MYH11: variants seen among roughly 807,000 people sequenced by gnomAD.
MYH11 encodes the protein myosin-11.
A neutral mutation model predicts 246.6 loss-of-function variants in MYH11; 80 were observed. That is an observed-to-expected ratio of 0.32 (90% CI 0.27 to 0.39). The LOEUF is 0.39. MYH11 is among the 10% of genes least tolerant of loss of function. The pLI is 1.00. For missense variants in MYH11, 2,158 were observed against 2,546.8 expected, an observed-to-expected ratio of 0.85 and a Z score of 3.29; for synonymous variants, 1,071 against 1,015.5, an observed-to-expected ratio of 1.05 and a Z score of -1.04.
At chr16:15,720,371 AC>A in intron 33 of MYH11, 59 bp from the exon 34 acceptor site, 1 of 1,569,342 alleles carries the variant, frequency 6.4e-7, no homozygotes, top group South Asian at 1.2e-5. Flanking sequence ...CCTTTGGCTC[AC>A]CTAGGCAGCA....
intron 18 of MYH11, 71 bp downstream of exon 18, chr16:15,747,803 C>T (rs573006799): frequency 9.9e-6 from 16 of 1,612,170 alleles, no homozygotes; most frequent in African/African-American, 8.0e-5. Flanking sequence ...TGGGTAAGAA[C>T]GGTCCCACCA....
chr16:15,781,221 C>A (rs979522788), intron 6 of MYH11, among the ~76,000 whole-genome samples: 3 of 152,196 alleles, frequency 2.0e-5, no homozygotes, highest in African/African-American at 7.2e-5. Context: ...TGCACACTTT[C>A]ATTATGAATT....
At chr16:15,856,793 C>G (rs1431592223) in intron 1 of MYH11, 148 bp downstream of exon 1, 2 of 151,974 alleles carry the variant, frequency 1.3e-5, no homozygotes, top group Admixed American at 6.6e-5. Context: ...AGAGAGAGAT[C>G]CAAATCACAA....
chr16:15,719,491 C>G, intron 35 of MYH11, 94 bp downstream of exon 35: 3 of 1,589,272 alleles, frequency 1.9e-6, no homozygotes, highest in Non-Finnish European at 2.6e-6. Flanking sequence ...CAGAGGAGGA[C>G]GAAATGAAAT....
intron 3 of MYH11, among the ~76,000 whole-genome samples, chr16:15,816,617 C>T (rs8057655): frequency 0.23 from 35,229 of 151,828 alleles, 4,880 homozygotes; most frequent in African/African-American, 0.39. Flanking sequence ...TATACTGGGA[C>T]TCTGATATGA....
chr16:15,738,800 A>G, intron 23 of MYH11, 112 bp from the exon 24 acceptor site: 1 of 1,225,132 alleles, frequency 8.2e-7, no homozygotes, highest in South Asian at 1.3e-5. Context: ...CCACATTATA[A>G]CAAAATACAA....
Position 15,724,978 on chromosome 16 carries a change from G to T in MYH11, c.3873C>A (p.Ser1291Arg), listed in dbSNP as rs140339691. Reference sequence around the variant, plus strand: ...CGGCCTCGTTAAGCATCCCTGTGACGCTCTCAACTTCATTCTAAGGGTGCC... The same window carrying T: ...CGGCCTCGTTAAGCATCCCTGTGACTCTCTCAACTTCATTCTAAGGGTGCC... ...KVHKLQNEVE[S>R]VTGMLNEAEG... The change falls in exon 29 of 41, where the codon AGC (serine) becomes AGA (arginine). Residue 1291 changes from serine (S) to arginine (R), a missense_variant. Ser to Arg is a moderately radical substitution (Grantham distance 110). Transcript: ENST00000300036. 1.9e-6 allele frequency: 3 copies of T among 1,613,862 alleles called. No individual in the cohort carries two copies. Among genetic ancestry groups the T allele is most frequent in the Non-Finnish European group, 2.5e-6 (3 of 1,179,970 alleles).
intron 8 of MYH11, among the ~76,000 whole-genome samples, chr16:15,774,001 ATCTTTAAT>A (rs1229747092): frequency 1.3e-5 from 2 of 152,140 alleles, no homozygotes; most frequent in Non-Finnish European, 2.9e-5. Flanking sequence ...TTCCAGATCA[ATCTTTAAT>A]TAGGATGGAT....
At chr16:15,708,711 G>A (rs1353794833) in intron 40 of MYH11, 9 of 1,347,176 alleles carry the variant, frequency 6.7e-6, no homozygotes, top group South Asian at 1.2e-5. Flanking sequence ...ATGTGCAAGG[G>A]TTTAAAAATT....
At chr16:15,712,938 C>T (rs2039902886) in intron 40 of MYH11, 1 of 143,804 alleles carries the variant, frequency 7.0e-6, no homozygotes, top group South Asian at 2.2e-4. Context: ...ACTGCAACCT[C>T]TCTCTCCCGG....
intron 3 of MYH11, among the ~76,000 whole-genome samples, chr16:15,801,904 G>A (rs1694319480): frequency 6.7e-6 from 1 of 149,924 alleles, no homozygotes; most frequent in Admixed American, 6.6e-5. Context: ...TTGCAGTGAG[G>A]TGAGATCATG....
intron 1 of MYH11, among the ~76,000 whole-genome samples, chr16:15,840,993 C>A (rs2044036544): frequency 6.6e-6 from 1 of 152,062 alleles, no homozygotes; most frequent in East Asian, 1.9e-4. Flanking sequence ...TAGAAAACTG[C>A]ATACCAAAAT....
chr16:15,774,244 T>C (rs1458407239), intron 8 of MYH11, among the ~76,000 whole-genome samples: 1 of 152,210 alleles, frequency 6.6e-6, no homozygotes, highest in Non-Finnish European at 1.5e-5. Flanking sequence ...CATTTAGCAA[T>C]ATTTGGTTCT....
rs550812754 is a variant in MYH11, at chr16:15,790,414, G to T, written c.531-3682C>A. Among the ~76,000 whole-genome samples, 342 of 152,148 alleles carry T rather than the reference G, an allele frequency of 2.2e-3. 1 individual carries two copies. Among genetic ancestry groups the T allele is most frequent in the Non-Finnish European group, 4.1e-3 (280 of 68,000 alleles). ...CCACTTTGCCTGGGATGGGGAGTGG[G>T]ACATAAACTCTGGGCATCTACCCCT... On this transcript the variant is annotated intron_variant, in intron 4 of 40. Transcript: ENST00000300036.
intron 5 of MYH11, chr16:15,785,478 C>T (rs1235508146): frequency 6.6e-6 from 1 of 151,892 alleles, no homozygotes; most frequent in African/African-American, 2.4e-5. Flanking sequence ...TCTTGAGTTT[C>T]CTGCATTTGT....
In MYH11 at chr16:15,807,830, C is replaced by G. The variant is rs1396410717; in HGVS notation, c.503-9143G>C. ...ATAAAGGGCTTCAGCGGTTCCTCCCCCGCTGTGGGCCTGAGGACTCCCAGG... is the reference window on the plus strand; with the variant it reads ...ATAAAGGGCTTCAGCGGTTCCTCCCGCGCTGTGGGCCTGAGGACTCCCAGG... On this transcript the variant is annotated intron_variant, in intron 3 of 40. Coordinates refer to ENST00000300036, the MANE Select transcript of MYH11 (RefSeq NM_002474.3). 6.6e-5 allele frequency among the ~76,000 whole-genome samples: 10 copies of G among 152,334 alleles called. No homozygotes were observed. In the East Asian group the frequency reaches 1.5e-3, roughly 24 times the overall value.
chr16:15,732,886 C>T (rs2041009060), intron 26 of MYH11, 178 bp from the exon 27 acceptor site: 1 of 718,916 alleles, frequency 1.4e-6, no homozygotes, highest in Admixed American at 2.3e-5. Context: ...ATTTCCTCAG[C>T]TGCAAAATGT....
At chr16:15,811,252 G>A (rs1439453405) in intron 3 of MYH11, among the ~76,000 whole-genome samples, 1 of 152,166 alleles carries the variant, frequency 6.6e-6, no homozygotes, top group Non-Finnish European at 1.5e-5. Flanking sequence ...CCCAGTCTAT[G>A]GTATTTTGAT....
intron 8 of MYH11, 91 bp from the exon 9 acceptor site, chr16:15,771,803 TA>T: frequency 6.6e-7 from 1 of 1,518,090 alleles, no homozygotes; most frequent in Non-Finnish European, 9.1e-7. Flanking sequence ...TGGGCCATCA[TA>T]ATTCCTTTCC....
Sources: allele counts gnomAD v4.1 joint callset (sites outside exome capture counted in the v4.1 genomes callset), GRCh38; gene constraint gnomAD v4.1.1; transcripts MANE v1.5; gene names NCBI Gene and HGNC (gene_info 2026-07-23, HGNC 2026-07-21).